ZNF277: variants seen among roughly 807,000 people sequenced by gnomAD.
The protein encoded by ZNF277 is nuclear receptor-interacting factor 4.
ZNF277 carries 55 observed loss-of-function variants against 60.7 expected under a neutral mutation model. The ratio of observed to expected loss-of-function variants is 0.91; its 90% CI spans 0.73 to 1.13. ZNF277 has a LOEUF of 1.13. Ranked by LOEUF, ZNF277 falls within the 50% of genes most tolerant of loss-of-function variation. ZNF277 has a pLI of 0.00. For missense variants in ZNF277, 510 were observed against 523.0 expected (o/e 0.98, Z 0.24); for synonymous variants, 178 against 179.3 (o/e 0.99, Z 0.06).
At chr7:112,333,402 G>A (rs1210106293) in intron 7 of ZNF277, among the ~76,000 whole-genome samples, 1 of 152,146 alleles carries the variant, frequency 6.6e-6, no homozygotes, top group African/African-American at 2.4e-5. Flanking sequence ...AAGTCAGTAT[G>A]GAAAACCACC....
chr7:112,291,180 A>C (rs562262714), intron 2 of ZNF277, among the ~76,000 whole-genome samples: 2 of 152,292 alleles, frequency 1.3e-5, no homozygotes, highest in East Asian at 3.9e-4. Context: ...AGTAGATAAA[A>C]TTGCTCTGGA....
At chr7:112,227,862 C>T (rs1171971453) in intron 1 of ZNF277, among the ~76,000 whole-genome samples, 1 of 151,892 alleles carries the variant, frequency 6.6e-6, no homozygotes, top group Non-Finnish European at 1.5e-5. Flanking sequence ...CTGGAGAAAT[C>T]TCATCAACAG....
At chr7:112,322,188 G>C (rs371328709) in intron 5 of ZNF277, among the ~76,000 whole-genome samples, 2 of 152,076 alleles carry the variant, frequency 1.3e-5, no homozygotes, top group Admixed American at 6.6e-5. Context: ...AGATGTTTAA[G>C]TTAATGTGTT....
intron 1 of ZNF277, among the ~76,000 whole-genome samples, chr7:112,256,050 T>C (rs1791299669): frequency 1.3e-5 from 2 of 152,194 alleles, no homozygotes; most frequent in Admixed American, 1.3e-4. Flanking sequence ...CTAGAATCTA[T>C]GTCTTCATCT....
intron 1 of ZNF277, among the ~76,000 whole-genome samples, chr7:112,267,038 G>A (rs1246337094): frequency 6.6e-6 from 1 of 152,062 alleles, no homozygotes; most frequent in Non-Finnish European, 1.5e-5. Flanking sequence ...GAAGGTAGGT[G>A]GGGGGTGGTA....
rs954852010 is a variant in ZNF277, at chr7:112,343,637, A to G, written c.*908A>G. Among the ~76,000 whole-genome samples the G allele has an allele frequency of 6.6e-6, 1 of 152,118 alleles. No individual in the cohort carries two copies. The highest frequency in any genetic ancestry group is 2.4e-5 in the African/African-American group (1 of 41,412). ...ATATAATGAAGAAACAGTCAAATCC[A>G]AGTTTGAGGCTGGGCACAGTAGCTC... On this transcript the variant is annotated 3_prime_UTR_variant, in exon 12 of 12. Transcript: ENST00000361822.
intron 1 of ZNF277, among the ~76,000 whole-genome samples, chr7:112,265,933 A>G (rs1791540279): frequency 6.6e-6 from 1 of 152,132 alleles, no homozygotes; most frequent in Non-Finnish European, 1.5e-5. Context: ...AGGAGATGGT[A>G]AAAGACCCAG....
At chr7:112,251,101 AT>A (rs1791191983) in intron 1 of ZNF277, among the ~76,000 whole-genome samples, 2 of 152,112 alleles carry the variant, frequency 1.3e-5, no homozygotes, top group South Asian at 4.1e-4. Context: ...TTCCAATCAT[AT>A]AAATCCTGCC....
chr7:112,236,683 C>T (rs1283138590), intron 1 of ZNF277, among the ~76,000 whole-genome samples: 3 of 152,026 alleles, frequency 2.0e-5, no homozygotes, highest in African/African-American at 4.8e-5. Flanking sequence ...TCTACGAGTC[C>T]TCATTCACTA....
intron 1 of ZNF277, among the ~76,000 whole-genome samples, chr7:112,215,406 TTG>T (rs1821853929): frequency 6.6e-6 from 1 of 152,198 alleles, no homozygotes; most frequent in East Asian, 1.9e-4. Context: ...GTGATGGCAT[TTG>T]GTGGTGTTTG....
intron 6 of ZNF277, among the ~76,000 whole-genome samples, chr7:112,328,654 T>C (rs1252509688): frequency 6.6e-6 from 1 of 152,140 alleles, no homozygotes; most frequent in African/African-American, 2.4e-5. Context: ...GCGGATCACC[T>C]GAGCTCGGGA....
chr7:112,279,139 G>A (rs1791885783), intron 1 of ZNF277, among the ~76,000 whole-genome samples: 1 of 152,214 alleles, frequency 6.6e-6, no homozygotes, highest in Non-Finnish European at 1.5e-5. Flanking sequence ...GCTATTCTGA[G>A]TAATGCTTCA....
At chr7:112,325,939 T>G (rs767251029) in intron 5 of ZNF277, among the ~76,000 whole-genome samples, 4 of 152,170 alleles carry the variant, frequency 2.6e-5, no homozygotes, top group Non-Finnish European at 5.9e-5. Context: ...CACTGTGGCC[T>G]ACCTGAACAG....
chr7:112,296,906 TTA>T lies in ZNF277; in HGVS notation c.465+597_465+598del, dbSNP rs1196662353. Among the ~76,000 whole-genome samples the T allele has an allele frequency of 9.4e-4, 61 of 64,616 alleles. 1 individual carries two copies. In the Admixed American group the frequency reaches 0.014, roughly 15 times the overall value. 42.4% of individuals were successfully genotyped at this position (64,616 alleles called of 152,430 possible). On this transcript the variant is annotated intron_variant, in intron 4 of 11. Coordinates refer to ENST00000361822, the MANE Select transcript of ZNF277 (RefSeq NM_021994.3). ...ATTTTTATTTTATTTATTTATTTAT[TTA>T]TTTATTTTTTTTTTTTTTTTTTTTT...
intron 1 of ZNF277, among the ~76,000 whole-genome samples, chr7:112,250,048 T>C (rs1791169311): frequency 6.6e-6 from 1 of 152,180 alleles, no homozygotes; most frequent in Non-Finnish European, 1.5e-5. Flanking sequence ...GCCATATTTC[T>C]CTTCTTTCAA....
At chr7:112,305,397 G>A (rs1792566364) in intron 4 of ZNF277, among the ~76,000 whole-genome samples, 1 of 151,838 alleles carries the variant, frequency 6.6e-6, no homozygotes, top group African/African-American at 2.4e-5. Flanking sequence ...AGGAAAAATT[G>A]CCTTCTGTGG....
intron 1 of ZNF277, among the ~76,000 whole-genome samples, chr7:112,226,469 T>G (rs1303577689): frequency 6.6e-6 from 1 of 152,212 alleles, no homozygotes. Flanking sequence ...GAACATTTAC[T>G]CTTCAAATCA....
chr7:112,258,625 GT>G (rs1420229815), intron 1 of ZNF277, among the ~76,000 whole-genome samples: 2 of 152,004 alleles, frequency 1.3e-5, no homozygotes, highest in Non-Finnish European at 2.9e-5. Flanking sequence ...TTTTTCCTAT[GT>G]GTTGATGTTA....
intron 1 of ZNF277, among the ~76,000 whole-genome samples, chr7:112,278,993 C>T (rs1012817771): frequency 2.0e-5 from 3 of 152,072 alleles, no homozygotes; most frequent in African/African-American, 7.2e-5. Context: ...TCGTGTAGTT[C>T]GTTTTCCTTC....
Sources: allele counts gnomAD v4.1 joint callset (sites outside exome capture counted in the v4.1 genomes callset), GRCh38; gene constraint gnomAD v4.1.1; transcripts MANE v1.5; gene names NCBI Gene and HGNC (gene_info 2026-07-23, HGNC 2026-07-21).